The following ACTG2 variants were observed in gnomAD, a reference collection of about 807,000 sequenced individuals.
ACTG2 encodes actin, gamma-enteric smooth muscle.
In ACTG2, 16 loss-of-function variants were observed where a neutral mutation model predicts 37.6. The ratio of observed to expected loss-of-function variants is 0.43; its 90% CI spans 0.29 to 0.65. The LOEUF (loss-of-function observed/expected upper bound fraction) is 0.65. Among genes scored for constraint, ACTG2 ranks in the 30% least tolerant of loss-of-function variants. ACTG2 has a pLI of 0.18. For synonymous variants in ACTG2, 181 were observed against 179.9 expected (o/e 1.01, Z -0.05); for missense variants, 238 against 490.9 (o/e 0.48, Z 4.87).
chr2:73,893,935 A>C (rs1679685606), intron 1 of ACTG2, among the ~76,000 whole-genome samples: 1 of 152,232 alleles, frequency 6.6e-6, no homozygotes, highest in Non-Finnish European at 1.5e-5. Context: ...GTGGCAGTGC[A>C]GGCCTTGAAG....
In ACTG2 at chr2:73,911,737, A is replaced by G. The variant is rs1680144439; in HGVS notation, c.452-1748A>G. Among the ~76,000 whole-genome samples, 3 of 152,238 alleles carry G rather than the reference A, an allele frequency of 2.0e-5. No individual in the cohort carries two copies. In the South Asian group the frequency reaches 6.2e-4, roughly 31 times the overall value. On this transcript the variant is annotated intron_variant, in intron 5 of 8. Transcript: ENST00000345517. ...TTCAGCTTCCTTATAATATTATGGC[A>G]CCACCATTGTGTATGTGGTCCGAAG... is the stretch of plus-strand genomic sequence containing the variant.
At chr2:73,906,076 C>T (rs1002203427) in intron 3 of ACTG2, among the ~76,000 whole-genome samples, 1 of 151,220 alleles carries the variant, frequency 6.6e-6, no homozygotes, top group African/African-American at 2.4e-5. Flanking sequence ...TACATAAAGA[C>T]AAAGGTTAGG....
chr2:73,917,577 G>T (rs1267047595), intron 8 of ACTG2, among the ~76,000 whole-genome samples: 3 of 152,262 alleles, frequency 2.0e-5, no homozygotes, highest in Non-Finnish European at 4.4e-5. Context: ...TAGAGAAAGA[G>T]TTGGGAATAG....
intron 1 of ACTG2, 45 bp from the exon 2 acceptor site, chr2:73,901,231 A>T: frequency 7.0e-7 from 1 of 1,421,698 alleles, no homozygotes; most frequent in Non-Finnish European, 9.4e-7. Context: ...CTCCAAACTG[A>T]TTTGACAAGT....
intron 2 of ACTG2, 106 bp downstream of exon 2, chr2:73,901,543 T>C (rs565816688): frequency 3.9e-5 from 3 of 76,282 alleles, no homozygotes; most frequent in East Asian, 3.2e-4. Flanking sequence ...TGTGTGTGTG[T>C]GTGTGTGTGT....
chr2:73,911,201 CAT>C (rs1290890368), intron 5 of ACTG2, among the ~76,000 whole-genome samples: 2 of 152,060 alleles, frequency 1.3e-5, no homozygotes, highest in African/African-American at 4.8e-5. Context: ...TGATTAAAAA[CAT>C]AGTATAAGAG....
chr2:73,895,631 C>T (rs1679730725), intron 1 of ACTG2, among the ~76,000 whole-genome samples: 2 of 152,310 alleles, frequency 1.3e-5, no homozygotes, highest in South Asian at 4.2e-4. Flanking sequence ...AGGCCTAACA[C>T]TTTCTGTCAA....
intron 5 of ACTG2, among the ~76,000 whole-genome samples, chr2:73,909,794 G>GC (rs1436592565): frequency 6.6e-6 from 1 of 152,162 alleles, no homozygotes; most frequent in Non-Finnish European, 1.5e-5. Context: ...AATGGAGCTT[G>GC]CAAGACTAGA....
At chr2:73,911,516 G>A (rs1374106193) in intron 5 of ACTG2, among the ~76,000 whole-genome samples, 2 of 151,992 alleles carry the variant, frequency 1.3e-5, no homozygotes, top group Admixed American at 6.6e-5. Flanking sequence ...GACAGTATAA[G>A]AAATACATAA....
intron 3 of ACTG2, among the ~76,000 whole-genome samples, chr2:73,903,953 A>T (rs867212538): frequency 1.9e-5 from 2 of 106,628 alleles, no homozygotes; most frequent in Non-Finnish European, 4.4e-5. Context: ...AAAAAAAAAA[A>T]AAAAAACAAA....
chr2:73,910,687 GA>G (rs1009571723), intron 5 of ACTG2, among the ~76,000 whole-genome samples: 2 of 150,370 alleles, frequency 1.3e-5, no homozygotes, highest in African/African-American at 4.9e-5. Context: ...ATTTAGTAGA[GA>G]AAAAAAAGGA....
chr2:73,915,148 C>T (rs554235031), intron 7 of ACTG2, among the ~76,000 whole-genome samples: 1 of 152,164 alleles, frequency 6.6e-6, no homozygotes, highest in East Asian at 1.9e-4. Flanking sequence ...AGTTTGTAGG[C>T]AGCAATGTAG....
chr2:73,901,254 C>T (rs1482447516), intron 1 of ACTG2, 22 bp from the exon 2 acceptor site: 25 of 1,486,216 alleles, frequency 1.7e-5, no homozygotes, highest in Non-Finnish European at 2.3e-5. Flanking sequence ...CTGACTAGTT[C>T]TCTTCTCCCG....
At chr2:73,898,998 G>C (rs1558621285) in intron 1 of ACTG2, among the ~76,000 whole-genome samples, 1 of 151,646 alleles carries the variant, frequency 6.6e-6, no homozygotes, top group Non-Finnish European at 1.5e-5. Flanking sequence ...TTTTAGTAGA[G>C]ACGGGGTTTC....
At chr2:73,915,124 G>C (rs1451965449) in intron 7 of ACTG2, among the ~76,000 whole-genome samples, 1 of 152,124 alleles carries the variant, frequency 6.6e-6, no homozygotes, top group Admixed American at 6.5e-5. Context: ...TAAGAATGAG[G>C]TTAAAACACA....
chr2:73,902,332 TTTCTC>T, intron 2 of ACTG2, 23 bp from the exon 3 acceptor site: 1 of 1,611,790 alleles, frequency 6.2e-7, no homozygotes, highest in East Asian at 2.2e-5. Flanking sequence ...CAGCCATTCA[TTTCTC>T]TTTTCTTCTT....
intron 1 of ACTG2, among the ~76,000 whole-genome samples, chr2:73,896,178 A>AT (rs1243103771): frequency 6.6e-6 from 1 of 152,048 alleles, no homozygotes; most frequent in Non-Finnish European, 1.5e-5. Context: ...AACAAAAAAA[A>AT]TTTTTTTTTG....
intron 3 of ACTG2, among the ~76,000 whole-genome samples, chr2:73,904,989 G>A (rs981017929): frequency 1.0e-4 from 15 of 150,486 alleles, no homozygotes; most frequent in African/African-American, 3.7e-4. Context: ...TAATTATGAA[G>A]GAAGACATAA....
At chr2:73,904,248 C>CAAAAAAAAAAAAA (rs61261289) in intron 3 of ACTG2, among the ~76,000 whole-genome samples, 1 of 65,208 alleles carries the variant, frequency 1.5e-5, no homozygotes, top group African/African-American at 6.8e-5. Context: ...GACCATGTCT[C>CAAAAAAAAAAAAA]AAAAAAAAAA....
Sources: gnomAD v4.1 joint callset for allele counts (sites outside exome capture counted in the v4.1 genomes callset) on GRCh38, gnomAD v4.1.1 for gene constraint, MANE v1.5 for transcripts, NCBI Gene and HGNC (gene_info 2026-07-23, HGNC 2026-07-21) for gene names.